Variants in GPBP1L1 observed in about 807,000 individuals in gnomAD.
GPBP1L1 encodes GC-rich promoter binding protein 1 like 1.
GPBP1L1 carries 23 observed loss-of-function variants against 52.5 expected under a neutral mutation model. That is an observed-to-expected ratio of 0.44 (90% confidence interval 0.32 to 0.62). The LOEUF is 0.62. Among genes scored for constraint, GPBP1L1 ranks in the 20% least tolerant of loss-of-function variants. The probability of loss-of-function intolerance (pLI) is 0.06; values close to 1 mark genes in which losing one functional copy is unlikely to be tolerated. For missense variants in GPBP1L1, 596 were observed against 579.3 expected (o/e 1.03, Z -0.30); for synonymous variants, 243 against 203.1 (o/e 1.20, Z -1.67).
In GPBP1L1 at chr1:45,642,447, C is replaced by G; in HGVS notation, c.530G>C (p.Gly177Ala). The part of the protein sequence containing the change: ...GKQHQPCRPI[G>A]TPSGVWENPP... Reference sequence around the variant, plus strand: ...CCTACCCCATACTCCAGAAGGTGTCCCAATAGGTCTGCATGGCTGATGCTG... The same window carrying G: ...CCTACCCCATACTCCAGAAGGTGTCGCAATAGGTCTGCATGGCTGATGCTG... Residue 177 changes from glycine to alanine, a missense_variant, in exon 7 of 13, where the codon GGG (glycine) becomes GCG (alanine). By Grantham distance (60) the Gly-to-Ala change is moderately conservative (BLOSUM62 0). Transcript: ENST00000355105. 1 of 1,613,726 alleles carries G rather than the reference C, an allele frequency of 6.2e-7. No individual in the cohort carries two copies. Among genetic ancestry groups the G allele is most frequent in the Non-Finnish European group, 8.5e-7 (1 of 1,179,764 alleles).
intron 10 of GPBP1L1, among the ~76,000 whole-genome samples, chr1:45,632,677 C>T (rs538712639): frequency 5.3e-5 from 8 of 152,274 alleles, no homozygotes; most frequent in African/African-American, 1.9e-4. Flanking sequence ...GATCGTGCCA[C>T]TGCACTCCAG....
At chr1:45,646,964 T>C (rs1351160114) in intron 6 of GPBP1L1, among the ~76,000 whole-genome samples, 3 of 152,128 alleles carry the variant, frequency 2.0e-5, no homozygotes, top group South Asian at 2.1e-4. Context: ...AACTTTTTTT[T>C]CCCAGTTTTA....
intron 2 of GPBP1L1, among the ~76,000 whole-genome samples, chr1:45,667,113 G>A (rs1645019486): frequency 6.6e-6 from 1 of 152,208 alleles, no homozygotes; most frequent in African/African-American, 2.4e-5. Flanking sequence ...GAACTACATA[G>A]TGGTGATGGT....
chr1:45,687,223 G>A (rs1645302048), upstream of GPBP1L1: 1 of 151,912 alleles, frequency 6.6e-6, no homozygotes, highest in South Asian at 2.1e-4. Flanking sequence ...CGGGATTCCG[G>A]CGAGAGCCTG....
intron 2 of GPBP1L1, among the ~76,000 whole-genome samples, chr1:45,683,212 T>TC (rs1323355135): frequency 7.6e-6 from 1 of 131,186 alleles, no homozygotes; most frequent in East Asian, 2.2e-4. Context: ...CCTTTTTTTT[T>TC]TTTTTTTTTT....
chr1:45,635,495 G>T (rs1644582502), intron 8 of GPBP1L1: 2 of 152,102 alleles, frequency 1.3e-5, no homozygotes, highest in South Asian at 4.1e-4. Context: ...TGCCACAGTA[G>T]TACAAAAGAT....
Position 45,654,584 on chromosome 1 carries a change from CTTT to C in GPBP1L1, c.433_435del (p.Lys145del), listed in dbSNP as rs1234419911. The C allele has an allele frequency of 2.5e-6, 4 of 1,613,088 alleles. No homozygotes were observed. Among genetic ancestry groups the C allele is most frequent in the Admixed American group, 1.7e-5 (1 of 59,986 alleles). On this transcript the variant is annotated inframe_deletion, in exon 6 of 13. Transcript: ENST00000355105. ...AACTGCAACTTTTCCACCTTGTCTT[CTTT>C]CTTTTCTTCCCTAATCTCCATAGGT...
chr1:45,658,937 G>C, intron 4 of GPBP1L1, 91 bp downstream of exon 4: 1 of 863,604 alleles, frequency 1.2e-6, no homozygotes, highest in East Asian at 2.4e-5. Context: ...GGGAGACCCT[G>C]TCTCAAAACA....
intron 2 of GPBP1L1, among the ~76,000 whole-genome samples, chr1:45,673,010 T>A (rs184983157): frequency 1.3e-4 from 20 of 152,116 alleles, no homozygotes; most frequent in African/African-American, 4.8e-4. Context: ...GCATGTAGGC[T>A]AAAAGGGGAT....
At position 45,642,560 on chromosome 1, in the gene GPBP1L1, A is replaced by G; in HGVS notation, c.478-61T>C. The G allele has an allele frequency of 6.4e-6, 8 of 1,250,324 alleles. No individual in the cohort carries two copies. In the South Asian group the frequency reaches 9.6e-5, roughly 15 times the overall value. 77.5% of individuals were successfully genotyped at this position (1,250,324 alleles called of 1,614,324 possible). ...AGCTGATCATTTTGGCACTTTTCAC[A>G]AAGTAGCCATCACCATGGAACCTAT... On this transcript the variant is annotated intron_variant, in intron 6 of 12. Transcript: ENST00000355105.
At chr1:45,662,392 G>A (rs1446376446) in intron 2 of GPBP1L1, among the ~76,000 whole-genome samples, 1 of 152,182 alleles carries the variant, frequency 6.6e-6, no homozygotes, top group African/African-American at 2.4e-5. Context: ...CAATCCTCCT[G>A]CTTTGGCCTC....
chr1:45,647,166 A>ATTTTTTTT (rs778113669), intron 6 of GPBP1L1, among the ~76,000 whole-genome samples: 3 of 112,650 alleles, frequency 2.7e-5, no homozygotes, highest in Non-Finnish European at 5.4e-5. Flanking sequence ...ACTTCTTAGG[A>ATTTTTTTT]TTTTTTTTTT....
intron 4 of GPBP1L1, among the ~76,000 whole-genome samples, chr1:45,658,389 C>T (rs1336117911): frequency 6.6e-6 from 1 of 152,110 alleles, no homozygotes; most frequent in Non-Finnish European, 1.5e-5. Context: ...TACGTTTAAT[C>T]TCCAAAGTGT....
intron 2 of GPBP1L1, among the ~76,000 whole-genome samples, chr1:45,684,156 G>A (rs1645248898): frequency 6.7e-6 from 1 of 149,560 alleles, no homozygotes; most frequent in African/African-American, 2.5e-5. Flanking sequence ...TACTCGGGAG[G>A]CTGAGACAGG....
intron 12 of GPBP1L1, 26 bp downstream of exon 12, chr1:45,629,550 C>G (rs1644503227): frequency 9.2e-6 from 12 of 1,309,444 alleles, no homozygotes; most frequent in African/African-American, 1.5e-5. Flanking sequence ...ACTAACTGGT[C>G]TCTAGGAAGA....
At chr1:45,685,448 G>T (rs1645268498) in intron 2 of GPBP1L1, 128 bp downstream of exon 2, 1 of 152,144 alleles carries the variant, frequency 6.6e-6, no homozygotes, top group Non-Finnish European at 1.5e-5. Context: ...TTCAGAGCAC[G>T]AAGTTGGCAG....
At chr1:45,684,850 T>C (rs192334658) in intron 2 of GPBP1L1, among the ~76,000 whole-genome samples, 101 of 152,316 alleles carry the variant, frequency 6.6e-4, no homozygotes, top group African/African-American at 2.3e-3. Context: ...AACCAACTTT[T>C]GTATTTGAAA....
At chr1:45,679,763 T>C (rs1645189917) in intron 2 of GPBP1L1, among the ~76,000 whole-genome samples, 1 of 151,900 alleles carries the variant, frequency 6.6e-6, no homozygotes, top group Non-Finnish European at 1.5e-5. Flanking sequence ...TCCTAAAAAG[T>C]AATTTTAGGC....
chr1:45,672,011 C>T (rs551190962), intron 2 of GPBP1L1, among the ~76,000 whole-genome samples: 3 of 152,192 alleles, frequency 2.0e-5, no homozygotes, highest in Non-Finnish European at 4.4e-5. Context: ...TCTTCTTTAA[C>T]ATCATCAAAT....
Sources: gnomAD v4.1 joint callset for allele counts (sites outside exome capture counted in the v4.1 genomes callset) on GRCh38, gnomAD v4.1.1 for gene constraint, MANE v1.5 for transcripts, NCBI Gene and HGNC (gene_info 2026-07-23, HGNC 2026-07-21) for gene names.